Variants in WDPCP observed in about 807,000 individuals in gnomAD.
WDPCP encodes the protein WD repeat-containing and planar cell polarity effector protein fritz homolog.
WDPCP carries 71 observed loss-of-function variants against 93.1 expected under a neutral mutation model. The observed-to-expected ratio is 0.76, with a 90% CI of 0.63 to 0.93. The LOEUF (loss-of-function observed/expected upper bound fraction) is 0.93, where lower values mean the gene tolerates loss of function less well. WDPCP is among the 40% of genes least tolerant of loss of function. The pLI is 0.00. For missense variants in WDPCP, 844 were observed against 887.4 expected, an observed-to-expected ratio of 0.95 and a Z score of 0.62; for synonymous variants, 315 against 315.0, an observed-to-expected ratio of 1.00 and a Z score of 0.00.
intron 2 of WDPCP, among the ~76,000 whole-genome samples, chr2:63,747,748 T>C (rs1380113074): frequency 6.6e-6 from 1 of 152,084 alleles, no homozygotes; most frequent in Non-Finnish European, 1.5e-5. Context: ...TTTTGGCTAT[T>C]TTTGGTCCTT....
chr2:63,342,911 C>T (rs1490786531), intron 12 of WDPCP, among the ~76,000 whole-genome samples: 6 of 152,080 alleles, frequency 3.9e-5, no homozygotes, highest in Admixed American at 2.6e-4. Flanking sequence ...TTATAAGACA[C>T]GTCTACTAGC....
chr2:63,347,738 C>CT (rs397946568), intron 12 of WDPCP, among the ~76,000 whole-genome samples: 3 of 150,794 alleles, frequency 2.0e-5, no homozygotes, highest in Middle Eastern at 3.2e-3. Flanking sequence ...TTGCCCCCCC[C>CT]GCCCCCGACT....
chr2:63,380,063 C>T (rs1692173541), intron 11 of WDPCP, among the ~76,000 whole-genome samples: 1 of 152,220 alleles, frequency 6.6e-6, no homozygotes, highest in African/African-American at 2.4e-5. Context: ...TTTCCTATAA[C>T]ACAGTAATCT....
intron 12 of WDPCP, among the ~76,000 whole-genome samples, chr2:63,327,141 G>A (rs1365513327): frequency 1.3e-5 from 2 of 152,122 alleles, no homozygotes; most frequent in East Asian, 1.9e-4. Context: ...AGGCGATTAA[G>A]GGAAAAAGAC....
At position 63,700,705 on chromosome 2, in the gene WDPCP, G is replaced by A. The variant is rs541857490; in HGVS notation, n.309-49867C>T. 2.0e-5 allele frequency among the ~76,000 whole-genome samples: 3 copies of A among 152,212 alleles called. 1 individual carries two copies. The highest frequency in any genetic ancestry group is 7.2e-5 in the African/African-American group (3 of 41,544). On this transcript the variant is annotated intron_variant and non_coding_transcript_variant, in intron 2 of 4. Coordinates refer to the WDPCP transcript ENST00000467687. ...CCAAAGGAACAGAATAGAGAACCCT[G>A]ACATAAATCCATGTATTTACAGCCA...
intron 15 of WDPCP, chr2:63,168,623 C>T (rs951415661): frequency 6.6e-6 from 1 of 152,090 alleles, no homozygotes; most frequent in African/African-American, 2.4e-5. Context: ...CCTTTCTTCT[C>T]ACTTATTTAT....
chr2:63,639,138 G>A (rs1709953007), intron 3 of WDPCP, among the ~76,000 whole-genome samples: 1 of 151,760 alleles, frequency 6.6e-6, no homozygotes, highest in African/African-American at 2.4e-5. Context: ...TGTTGCCCAG[G>A]TTGGAGTGCA....
At chr2:63,344,973 C>T (rs1234661975) in intron 12 of WDPCP, among the ~76,000 whole-genome samples, 1 of 152,194 alleles carries the variant, frequency 6.6e-6, no homozygotes, top group East Asian at 1.9e-4. Flanking sequence ...CTTCATTAAG[C>T]ACTCACCTGA....
intron 1 of WDPCP, among the ~76,000 whole-genome samples, chr2:63,500,458 T>TGTGG (rs1553412931): frequency 6.6e-6 from 1 of 151,284 alleles, no homozygotes; most frequent in Non-Finnish European, 1.5e-5. Context: ...TGTGGGGGTG[T>TGTGG]GTGTGTGTGT....
chr2:63,710,998 C>T (rs940235606), intron 2 of WDPCP, among the ~76,000 whole-genome samples: 1 of 152,154 alleles, frequency 6.6e-6, no homozygotes, highest in Non-Finnish European at 1.5e-5. Context: ...GGGACAACAG[C>T]AGTTCAGAGA....
intron 6 of WDPCP, among the ~76,000 whole-genome samples, chr2:63,456,374 G>A (rs759001100): frequency 3.3e-5 from 5 of 152,004 alleles, no homozygotes; most frequent in Admixed American, 2.6e-4. Flanking sequence ...CCAAGATTGC[G>A]CCACTGCACT....
intron 2 of WDPCP, among the ~76,000 whole-genome samples, chr2:63,754,210 A>G (rs1436750164): frequency 6.6e-6 from 1 of 152,184 alleles, no homozygotes; most frequent in East Asian, 1.9e-4. Flanking sequence ...GTTGGCTCCT[A>G]TCAGTTGATG....
At chr2:63,799,539 CAG>C (rs1406731652) in intron 2 of WDPCP, among the ~76,000 whole-genome samples, 2 of 152,138 alleles carry the variant, frequency 1.3e-5, no homozygotes, top group East Asian at 3.9e-4. Flanking sequence ...GTACCAACAT[CAG>C]AGTCTTTTCT....
chr2:63,372,734 G>C (rs1306170241), intron 12 of WDPCP, among the ~76,000 whole-genome samples: 2 of 152,106 alleles, frequency 1.3e-5, no homozygotes, highest in Non-Finnish European at 2.9e-5. Flanking sequence ...CACACATTTA[G>C]AATTGTTTTA....
Position 63,487,508 on chromosome 2 carries a change from G to A in WDPCP, c.161-14C>T, listed in dbSNP as rs755586280. The stretch of plus-strand genomic sequence containing the variant: ...CAATGTCTCTATCTATAGAAAGGAA[G>A]AAATAACATTAAATTATGATTTAAA... On this transcript the variant is annotated splice_polypyrimidine_tract_variant and intron_variant, in intron 2 of 17. Transcript: ENST00000272321. 2.2e-5 allele frequency: 35 copies of A among 1,559,700 alleles called. No homozygotes were observed. The East Asian group carries it at 7.0e-4, about 31-fold the overall frequency.
chr2:63,512,446 G>A (rs928163322), intron 1 of WDPCP, among the ~76,000 whole-genome samples: 7 of 152,124 alleles, frequency 4.6e-5, no homozygotes, highest in African/African-American at 1.7e-4. Context: ...GCACATCTAT[G>A]TTTATTGCAG....
chr2:63,658,218 T>C (rs939689713), intron 2 of WDPCP, among the ~76,000 whole-genome samples: 1 of 152,220 alleles, frequency 6.6e-6, no homozygotes, highest in African/African-American at 2.4e-5. Flanking sequence ...GTGTTTTATA[T>C]GGCTTGAATA....
chr2:63,617,346 A>G (rs1295396792), intron 3 of WDPCP, among the ~76,000 whole-genome samples: 2 of 152,230 alleles, frequency 1.3e-5, no homozygotes, highest in East Asian at 1.9e-4. Flanking sequence ...ATAACCTCAT[A>G]TCTTCCTTAT....
At chr2:63,398,806 A>G (rs1399019181) in intron 10 of WDPCP, among the ~76,000 whole-genome samples, 1 of 152,138 alleles carries the variant, frequency 6.6e-6, no homozygotes, top group Admixed American at 6.5e-5. Flanking sequence ...TAGTGGGAAA[A>G]CTGCACATGC....
Sources: allele counts gnomAD v4.1 joint callset (sites outside exome capture counted in the v4.1 genomes callset), GRCh38; gene constraint gnomAD v4.1.1; transcripts MANE v1.5; gene names NCBI Gene and HGNC (gene_info 2026-07-23, HGNC 2026-07-21).